The following L2HGDH variants were observed in gnomAD, a reference collection of about 807,000 sequenced individuals.
L2HGDH encodes L-2-hydroxyglutarate dehydrogenase, mitochondrial.
Under a neutral mutation model 51.5 loss-of-function variants are expected in L2HGDH, and 34 were observed. The observed-to-expected ratio is 0.66, with a 90% confidence interval of 0.50 to 0.88. L2HGDH has a LOEUF of 0.88. Ranked by LOEUF, L2HGDH falls within the 40% of genes least tolerant of loss-of-function variation. The pLI, the probability that L2HGDH is intolerant of heterozygous loss-of-function variation, is 0.00. For synonymous variants in L2HGDH, 198 were observed against 197.9 expected (o/e 1.00, Z -0.01); for missense variants, 558 against 571.9 (o/e 0.98, Z 0.25).
At chr14:50,305,957 T>C (rs2030696945) in intron 1 of L2HGDH, among the ~76,000 whole-genome samples, 1 of 152,206 alleles carries the variant, frequency 6.6e-6, no homozygotes, top group African/African-American at 2.4e-5. Context: ...ATTGTGTTAT[T>C]TTTTACTGTT....
At chr14:50,291,675 G>C (rs1890893350) in intron 4 of L2HGDH, among the ~76,000 whole-genome samples, 1 of 151,994 alleles carries the variant, frequency 6.6e-6, no homozygotes, top group Non-Finnish European at 1.5e-5. Flanking sequence ...TACAACTAGA[G>C]ATAAAGGGAA....
chr14:50,269,962 G>A (rs1297457796), intron 6 of L2HGDH, among the ~76,000 whole-genome samples: 4 of 152,090 alleles, frequency 2.6e-5, no homozygotes, highest in African/African-American at 9.7e-5. Context: ...TCATTTAAAG[G>A]CAAACTCTGT....
chr14:50,256,904 G>A (rs879637199), intron 9 of L2HGDH, among the ~76,000 whole-genome samples: 1 of 152,026 alleles, frequency 6.6e-6, no homozygotes, highest in East Asian at 1.9e-4. Flanking sequence ...TGAGAGATAG[G>A]CTGGAATCTT....
At chr14:50,276,462 G>GCCC (rs57430595) in intron 6 of L2HGDH, among the ~76,000 whole-genome samples, 2 of 150,352 alleles carry the variant, frequency 1.3e-5, no homozygotes, top group African/African-American at 4.9e-5. Flanking sequence ...ATTGAATTGT[G>GCCC]CCCCCCCCAC....
In L2HGDH at chr14:50,302,083, T is replaced by C. The variant is rs1194549916; in HGVS notation, c.342A>G (p.Val114=). 2 of 1,614,038 alleles carry C rather than the reference T, an allele frequency of 1.2e-6. No individual in the cohort carries two copies. The highest frequency in any genetic ancestry group is 1.7e-6 in the Non-Finnish European group (2 of 1,180,026). The change falls in exon 3 of 10, where the codon GTA becomes GTG. Residue 114 remains valine, a synonymous_variant. Coordinates refer to ENST00000267436, the MANE Select transcript of L2HGDH (RefSeq NM_024884.3). ...KPESLKAKLC[V]QGAALLYEYC... is the part of the protein sequence containing the mutation. ...ACTCATAGAGGAGGGCTGCACCTTG[T>C]ACACATAATTTGGCTTTCAGAGACT...
In L2HGDH at chr14:50,307,312, C is replaced by T. The variant is rs116993987; in HGVS notation, c.141-4295G>A. On this transcript the variant is annotated intron_variant, in intron 1 of 9. Coordinates refer to ENST00000267436, the MANE Select transcript of L2HGDH (RefSeq NM_024884.3). The stretch of plus-strand genomic sequence containing the variant: ...GCTTTTTCCAACTACATGTGCCACC[C>T]TTCACTCCCTCTTCTCAAATCTGAA... Among the ~76,000 whole-genome samples the T allele has an allele frequency of 1.3e-3, 194 of 152,284 alleles. 1 individual carries two copies. In the East Asian group the frequency reaches 0.028, roughly 22 times the overall value.
At chr14:50,302,503 G>A (rs1400797363) in intron 2 of L2HGDH, among the ~76,000 whole-genome samples, 4 of 152,110 alleles carry the variant, frequency 2.6e-5, no homozygotes, top group African/African-American at 7.2e-5. Flanking sequence ...CATCACTAGC[G>A]GCAATCCTCA....
intron 6 of L2HGDH, among the ~76,000 whole-genome samples, chr14:50,271,533 C>T (rs1595093897): frequency 1.3e-5 from 2 of 152,168 alleles, no homozygotes; most frequent in Admixed American, 1.3e-4. Context: ...TCAAATGATA[C>T]ATTAGTTCAA....
rs1022450328 is a variant in L2HGDH, at chr14:50,243,220, T to C, written c.*3838A>G. On this transcript the variant is annotated 3_prime_UTR_variant, in exon 10 of 10. Coordinates refer to ENST00000267436, the MANE Select transcript of L2HGDH (RefSeq NM_024884.3). ...GATAAAAGAGTTAAGCTACGTAACA[T>C]GAAACACCAAAAATATACTTGCTGG... 6.1e-6 allele frequency: 6 copies of C among 985,396 alleles called. No homozygotes were observed. Among genetic ancestry groups the C allele is most frequent in the Non-Finnish European group, 6.0e-6 (5 of 829,918 alleles). The allele number at this position is 985,396 out of a possible 1,614,324, so 61.0% of individuals were successfully genotyped here.
At chr14:50,250,308 T>G (rs1489770305) in intron 9 of L2HGDH, among the ~76,000 whole-genome samples, 1 of 152,012 alleles carries the variant, frequency 6.6e-6, no homozygotes, top group African/African-American at 2.4e-5. Context: ...CACAAGCTGA[T>G]GGAAGAGCCC....
At chr14:50,261,611 T>C (rs537489899) in intron 9 of L2HGDH, among the ~76,000 whole-genome samples, 30 of 151,948 alleles carry the variant, frequency 2.0e-4, no homozygotes, top group African/African-American at 6.8e-4. Flanking sequence ...GCCTCTCTAG[T>C]AGCTACAACT....
Position 50,244,860 on chromosome 14 carries a change from C to T in L2HGDH, c.*2198G>A, listed in dbSNP as rs1364837752. ...GAGAGCTAAGAGGAAAGAAGACATA[C>T]ACAGTAGAAGATGAATCCTGAGAGA... On this transcript the variant is annotated 3_prime_UTR_variant, in exon 10 of 10. Transcript: ENST00000267436. The T allele has an allele frequency of 2.0e-6, 2 of 985,314 alleles. No individual in the cohort carries two copies. Among genetic ancestry groups the T allele is most frequent in the African/African-American group, 1.7e-5 (1 of 57,250 alleles). The allele number at this position is 985,314 out of a possible 1,614,324, so 61.0% of individuals were successfully genotyped here.
chr14:50,273,831 C>T (rs1202664509), intron 6 of L2HGDH, among the ~76,000 whole-genome samples: 1 of 152,082 alleles, frequency 6.6e-6, no homozygotes, highest in African/African-American at 2.4e-5. Flanking sequence ...CTGTAATCCC[C>T]GCACTTTGGG....
chr14:50,311,441 GGACA>G, intron 1 of L2HGDH: 1 of 455,978 alleles, frequency 2.2e-6, no homozygotes, highest in Non-Finnish European at 4.4e-6. Context: ...CTTCTACAGA[GGACA>G]GAGAAAGACA....
At chr14:50,259,589 G>A (rs1308153089) in intron 9 of L2HGDH, among the ~76,000 whole-genome samples, 1 of 151,646 alleles carries the variant, frequency 6.6e-6, no homozygotes, top group Non-Finnish European at 1.5e-5. Flanking sequence ...AGCACTTTGG[G>A]AGGCCAAGGC....
intron 9 of L2HGDH, among the ~76,000 whole-genome samples, chr14:50,262,674 A>G (rs1889100401): frequency 6.6e-6 from 1 of 151,916 alleles, no homozygotes; most frequent in Non-Finnish European, 1.5e-5. Context: ...TTTTCATACT[A>G]CATGTATAAT....
At chr14:50,283,216 A>AT (rs1270164145) in intron 5 of L2HGDH, among the ~76,000 whole-genome samples, 2 of 151,940 alleles carry the variant, frequency 1.3e-5, no homozygotes, top group Non-Finnish European at 2.9e-5. Context: ...GAAAAAAAAA[A>AT]TGCATTTTTA....
In L2HGDH at chr14:50,245,252, TA is replaced by T; in HGVS notation, c.*1805del. 2.0e-6 allele frequency: 2 copies of T among 985,120 alleles called. No individual in the cohort carries two copies. The highest frequency in any genetic ancestry group is 2.4e-6 in the Non-Finnish European group (2 of 829,612). The allele number at this position is 985,120 out of a possible 1,614,324, so 61.0% of individuals were successfully genotyped here. A position where few individuals can be genotyped will look rare whatever the true frequency, so the allele number is the denominator to read the frequency against. On this transcript the variant is annotated 3_prime_UTR_variant, in exon 10 of 10. Coordinates refer to ENST00000267436, the MANE Select transcript of L2HGDH (RefSeq NM_024884.3). The stretch of plus-strand genomic sequence containing the variant: ...AACATTTTGAGAGCCTTAGTGTGAC[TA>T]AAGATCAGAGATATAATAGATAAAT...
chr14:50,258,748 A>T (rs938497795), intron 9 of L2HGDH, among the ~76,000 whole-genome samples: 2 of 152,106 alleles, frequency 1.3e-5, no homozygotes, highest in African/African-American at 4.8e-5. Flanking sequence ...TCCTAGCCTC[A>T]AGAATCCTCC....
Sources: gnomAD v4.1 joint callset for allele counts (sites outside exome capture counted in the v4.1 genomes callset) on GRCh38, gnomAD v4.1.1 for gene constraint, MANE v1.5 for transcripts, NCBI Gene and HGNC (gene_info 2026-07-23, HGNC 2026-07-21) for gene names.